The following TENM3 variants were observed in gnomAD, a reference collection of about 807,000 sequenced individuals.
TENM3 encodes the protein teneurin transmembrane protein 3.
In TENM3, 63 loss-of-function variants were observed where a neutral mutation model predicts 255.1. The observed-to-expected ratio is 0.25, with a 90% CI of 0.20 to 0.30. The LOEUF (loss-of-function observed/expected upper bound fraction) is 0.30, where lower values mean the gene tolerates loss of function less well. TENM3 is among the 10% of genes least tolerant of loss of function. The probability of loss-of-function intolerance (pLI) is 1.00; values close to 1 mark genes in which losing one functional copy is unlikely to be tolerated. For synonymous variants in TENM3, 1,306 were observed against 1,322.3 expected (o/e 0.99, Z 0.27); for missense variants, 2,929 against 3,461.1 (o/e 0.85, Z 3.86).
intron 3 of TENM3, among the ~76,000 whole-genome samples, chr4:182,359,371 C>G (rs1765797802): frequency 6.9e-6 from 1 of 145,608 alleles, no homozygotes; most frequent in Non-Finnish European, 1.5e-5. Context: ...GGTTGGTAAG[C>G]TATTGATTAT....
the TENM3 span, among the ~76,000 whole-genome samples, chr4:181,961,808 A>G: frequency 6.7e-3 from 1,025 of 152,324 alleles, 9 homozygotes; most frequent in African/African-American, 0.024. Flanking sequence ...CAACTTTCAC[A>G]TAGTTTCTTC....
At chr4:182,417,464 G>T (rs931867307) in intron 3 of TENM3, among the ~76,000 whole-genome samples, 3 of 151,978 alleles carry the variant, frequency 2.0e-5, no homozygotes, top group Non-Finnish European at 2.9e-5. Flanking sequence ...GTATATCCTT[G>T]TATGACATGC....
At chr4:182,210,534 G>T (rs1754944663) in intron 1 of TENM3, among the ~76,000 whole-genome samples, 2 of 150,022 alleles carry the variant, frequency 1.3e-5, no homozygotes, top group South Asian at 4.2e-4. Context: ...CATGTCTCTT[G>T]GGGTTCATCT....
the TENM3 span, among the ~76,000 whole-genome samples, chr4:181,929,155 C>G: frequency 6.6e-6 from 1 of 152,116 alleles, no homozygotes; most frequent in Non-Finnish European, 1.5e-5. Flanking sequence ...ATCACAATGA[C>G]AGGATCAAAT....
intron 4 of TENM3, among the ~76,000 whole-genome samples, chr4:182,617,077 A>G (rs554255065): frequency 1.3e-5 from 2 of 152,330 alleles, no homozygotes; most frequent in South Asian, 2.1e-4. Context: ...TGAAAATCCT[A>G]AAGATTATGA....
intron 18 of TENM3, among the ~76,000 whole-genome samples, chr4:182,742,627 C>A (rs1761694849): frequency 6.6e-6 from 1 of 152,172 alleles, no homozygotes; most frequent in Non-Finnish European, 1.5e-5. Flanking sequence ...TCCTGGTTCA[C>A]ATTTTTATTG....
the TENM3 span, among the ~76,000 whole-genome samples, chr4:181,887,907 A>G: frequency 2.6e-5 from 4 of 152,178 alleles, no homozygotes; most frequent in Non-Finnish European, 5.9e-5. Context: ...CATTCCTGCA[A>G]TATATTCACT....
At chr4:182,625,155 C>A (rs1211185730) in intron 4 of TENM3, among the ~76,000 whole-genome samples, 1 of 152,178 alleles carries the variant, frequency 6.6e-6, no homozygotes, top group Non-Finnish European at 1.5e-5. Context: ...ACACCTAGCT[C>A]AGGTCCATCG....
At chr4:181,751,077 T>C in the TENM3 span, among the ~76,000 whole-genome samples, 1 of 152,164 alleles carries the variant, frequency 6.6e-6, no homozygotes, top group African/African-American at 2.4e-5. Context: ...AAGTTTCAGC[T>C]ACTCATACCA....
At chr4:181,939,054 G>A in the TENM3 span, among the ~76,000 whole-genome samples, 2 of 151,786 alleles carry the variant, frequency 1.3e-5, no homozygotes, top group Non-Finnish European at 2.9e-5. Flanking sequence ...GGGTTAATAA[G>A]TAATGTAAGA....
the TENM3 span, among the ~76,000 whole-genome samples, chr4:181,615,521 C>A: frequency 5.3e-5 from 8 of 152,108 alleles, no homozygotes; most frequent in African/African-American, 1.9e-4. Flanking sequence ...TAAGTATTTT[C>A]ATAATTCCAT....
At chr4:181,587,600 T>C in the TENM3 span, among the ~76,000 whole-genome samples, 1 of 152,220 alleles carries the variant, frequency 6.6e-6, no homozygotes, top group Non-Finnish European at 1.5e-5. Context: ...TGGCCAAGCA[T>C]GACCACCAGT....
At chr4:182,716,639 T>C (rs961833334) in intron 13 of TENM3, among the ~76,000 whole-genome samples, 10 of 152,206 alleles carry the variant, frequency 6.6e-5, no homozygotes, top group Non-Finnish European at 1.3e-4. Flanking sequence ...ATAAGCTACA[T>C]GTATAAAGAT....
chr4:181,881,401 A>G, the TENM3 span, among the ~76,000 whole-genome samples: 2 of 152,146 alleles, frequency 1.3e-5, no homozygotes, highest in African/African-American at 4.8e-5. Context: ...TAAGTAGTTC[A>G]GAAGACAGAC....
At chr4:182,137,557 C>T in the TENM3 span, among the ~76,000 whole-genome samples, 7 of 152,170 alleles carry the variant, frequency 4.6e-5, no homozygotes, top group East Asian at 3.9e-4. Context: ...TGAGGTCAGA[C>T]GGGGAAAACT....
chr4:182,578,384 ATTG>A (rs1392312623), intron 3 of TENM3, among the ~76,000 whole-genome samples: 1 of 151,950 alleles, frequency 6.6e-6, no homozygotes. Context: ...TTTCCTGCAT[ATTG>A]TTCTCCCCTT....
chr4:181,871,183 C>T, the TENM3 span, among the ~76,000 whole-genome samples: 1 of 144,828 alleles, frequency 6.9e-6, no homozygotes, highest in Non-Finnish European at 1.6e-5. Flanking sequence ...TGATATAAGT[C>T]CCCCAATTTT....
chr4:182,697,885 T>G (rs1174926199), intron 12 of TENM3: 1 of 152,200 alleles, frequency 6.6e-6, no homozygotes, highest in Non-Finnish European at 1.5e-5. Context: ...TTGTCAGTAT[T>G]CTCTACTGTT....
intron 1 of TENM3, among the ~76,000 whole-genome samples, chr4:182,226,047 T>A (rs1006446017): frequency 1.3e-5 from 2 of 152,194 alleles, no homozygotes; most frequent in African/African-American, 4.8e-5. Flanking sequence ...CGTTGATCAC[T>A]GTTCCTTGTT....
Sources: gnomAD v4.1 joint callset for allele counts (sites outside exome capture counted in the v4.1 genomes callset) on GRCh38, gnomAD v4.1.1 for gene constraint, MANE v1.5 for transcripts, NCBI Gene and HGNC (gene_info 2026-07-23, HGNC 2026-07-21) for gene names.